The following CPQ variants were observed in gnomAD, a reference collection of about 807,000 sequenced individuals.
CPQ encodes Ser-Met dipeptidase.
In CPQ, 37 loss-of-function variants were observed where a neutral mutation model predicts 45.7. That is an observed-to-expected ratio of 0.81 (90% CI 0.62 to 1.07). The LOEUF is 1.07. CPQ is among the 50% of genes least tolerant of loss of function. CPQ has a pLI of 0.00. For missense variants in CPQ, 537 were observed against 572.9 expected (o/e 0.94, Z 0.64); for synonymous variants, 186 against 205.8 (o/e 0.90, Z 0.82).
At chr8:97,005,271 A>G (rs1809361834) in intron 5 of CPQ, among the ~76,000 whole-genome samples, 1 of 151,866 alleles carries the variant, frequency 6.6e-6, no homozygotes, top group Non-Finnish European at 1.5e-5. Context: ...TAGTAGAGAC[A>G]GGATTTCACC....
chr8:96,736,330 T>C (rs758217000), intron 1 of CPQ, among the ~76,000 whole-genome samples: 1 of 152,208 alleles, frequency 6.6e-6, no homozygotes. Context: ...GTTTGAATGT[T>C]ATATAGTTCC....
At chr8:96,826,554 G>A (rs1462105310) in intron 2 of CPQ, among the ~76,000 whole-genome samples, 1 of 151,988 alleles carries the variant, frequency 6.6e-6, no homozygotes, top group Non-Finnish European at 1.5e-5. Context: ...AATGCAGACA[G>A]AAGGAGCAGC....
At chr8:96,825,289 TG>T (rs1244749812) in intron 2 of CPQ, among the ~76,000 whole-genome samples, 1 of 152,064 alleles carries the variant, frequency 6.6e-6, no homozygotes, top group Non-Finnish European at 1.5e-5. Flanking sequence ...TCTCTTTCCC[TG>T]GGCCTATAGT....
rs555358529 is a variant in CPQ, at chr8:97,098,680, T to C, written c.1255+32470T>C. Among the ~76,000 whole-genome samples, 3 of 152,256 alleles carry C rather than the reference T, an allele frequency of 2.0e-5. No homozygotes were observed. In the South Asian group the frequency reaches 6.2e-4, roughly 32 times the overall value. ...AAAACTCTCATCCTCTCTGAGTGGATTGGTTGTCTTAATGGTCACAGTACA... is the reference window on the plus strand; with the variant it reads ...AAAACTCTCATCCTCTCTGAGTGGACTGGTTGTCTTAATGGTCACAGTACA... On this transcript the variant is annotated intron_variant, in intron 7 of 7. Transcript: ENST00000220763.
intron 1 of CPQ, among the ~76,000 whole-genome samples, chr8:96,776,891 G>A (rs1810611596): frequency 6.6e-6 from 1 of 152,080 alleles, no homozygotes; most frequent in South Asian, 2.1e-4. Flanking sequence ...TAAAAAAATA[G>A]TTGTTTAACA....
chr8:96,830,396 C>T (rs1811439513), intron 2 of CPQ, among the ~76,000 whole-genome samples: 1 of 152,058 alleles, frequency 6.6e-6, no homozygotes, highest in African/African-American at 2.4e-5. Flanking sequence ...CTATAGACTA[C>T]ATGATCCGTG....
intron 4 of CPQ, among the ~76,000 whole-genome samples, chr8:96,920,390 G>A (rs915394506): frequency 2.0e-5 from 3 of 152,026 alleles, no homozygotes; most frequent in Non-Finnish European, 2.9e-5. Flanking sequence ...GGCCATTGGC[G>A]GAAATAAATA....
At chr8:97,021,337 A>T (rs1322674581) in intron 5 of CPQ, among the ~76,000 whole-genome samples, 8 of 152,046 alleles carry the variant, frequency 5.3e-5, no homozygotes, top group Non-Finnish European at 1.0e-4. Flanking sequence ...CACTCTCACC[A>T]CTCCTCTTCA....
chr8:96,879,638 A>G (rs1050823806), intron 3 of CPQ, among the ~76,000 whole-genome samples, 160 bp from the exon 4 acceptor site: 3 of 152,264 alleles, frequency 2.0e-5, no homozygotes, highest in Non-Finnish European at 2.9e-5. Flanking sequence ...TAAAAATTAC[A>G]TTCACATCAA....
At chr8:96,886,156 C>A (rs1246614107) in intron 4 of CPQ, among the ~76,000 whole-genome samples, 1 of 152,168 alleles carries the variant, frequency 6.6e-6, no homozygotes, top group Non-Finnish European at 1.5e-5. Flanking sequence ...AAACTGTACT[C>A]TTCTGTGATT....
Position 96,785,291 on chromosome 8 carries a change from AT to A in CPQ, c.395del (p.Ile132ThrfsTer22), listed in dbSNP as rs772647357. ...MLEPRIHKIAILGLGSSIGTP... is the reference protein window; with the variant it reads ...MLEPRIHKIAXLGLGSSIGTP... ...GGAGCCAAGAATTCATAAGATAGCC[AT>A]CCTGGGTCTTGGCAGCAGCATTGGG... On this transcript the variant is annotated frameshift_variant, in exon 2 of 8. Transcript: ENST00000220763. LOFTEE classifies it high-confidence loss of function. 1 of 1,612,142 alleles carries A rather than the reference AT, an allele frequency of 6.2e-7. No homozygotes were observed. The highest frequency in any genetic ancestry group is 2.2e-5 in the East Asian group (1 of 44,770).
rs368425947 is a variant in CPQ at position 97,115,785 on chromosome 8, A to T, written c.1256-27235A>T. 8.5e-5 allele frequency among the ~76,000 whole-genome samples: 13 copies of T among 152,326 alleles called. No homozygotes were observed. In the East Asian group the frequency reaches 2.1e-3, roughly 25 times the overall value. Reference sequence around the variant, plus strand: ...TGGCTTTCTGTTTCCCATCTCAGCCAGCTCTAGTTAATTTATGTCTTTACC... The same window carrying T: ...TGGCTTTCTGTTTCCCATCTCAGCCTGCTCTAGTTAATTTATGTCTTTACC... On this transcript the variant is annotated intron_variant, in intron 7 of 7. Coordinates refer to ENST00000220763, the MANE Select transcript of CPQ (RefSeq NM_016134.4).
At chr8:96,737,085 T>C (rs1391687829) in intron 1 of CPQ, among the ~76,000 whole-genome samples, 1 of 151,738 alleles carries the variant, frequency 6.6e-6, no homozygotes. Context: ...CCTTCTAGTC[T>C]ATCTTTGCTT....
intron 4 of CPQ, among the ~76,000 whole-genome samples, chr8:96,911,931 G>A (rs1812669813): frequency 6.6e-6 from 1 of 152,134 alleles, no homozygotes; most frequent in African/African-American, 2.4e-5. Flanking sequence ...GTCGAGTTCT[G>A]GCTGTGCAGC....
chr8:96,731,338 C>T (rs1476111614), intron 1 of CPQ, among the ~76,000 whole-genome samples: 2 of 152,168 alleles, frequency 1.3e-5, no homozygotes, highest in Non-Finnish European at 2.9e-5. Flanking sequence ...TTAGTTCCTT[C>T]AGTAGTTCAG....
intron 4 of CPQ, among the ~76,000 whole-genome samples, chr8:96,927,911 T>C (rs561548815): frequency 6.6e-6 from 1 of 152,310 alleles, no homozygotes; most frequent in East Asian, 1.9e-4. Context: ...AAATTTTCTC[T>C]CTGGAATTTA....
At chr8:96,990,097 C>G (rs1039409308) in intron 5 of CPQ, among the ~76,000 whole-genome samples, 1 of 152,056 alleles carries the variant, frequency 6.6e-6, no homozygotes. Flanking sequence ...ATGTTCACAC[C>G]CTGCACAGAG....
chr8:96,760,062 G>A lies in CPQ; in HGVS notation c.-34-24802G>A, dbSNP rs560465483. ...GATTTCAGGCCTCAGCCCTAGCCAC[G>A]TGGGTCCCTCATGGTTTTACTGGAC... On this transcript the variant is annotated intron_variant, in intron 1 of 7. Coordinates refer to ENST00000220763, the MANE Select transcript of CPQ (RefSeq NM_016134.4). Among the ~76,000 whole-genome samples, 35 of 152,296 alleles carry A rather than the reference G, an allele frequency of 2.3e-4. 1 individual carries two copies. In the South Asian group the frequency reaches 2.7e-3, roughly 12 times the overall value.
intron 7 of CPQ, among the ~76,000 whole-genome samples, chr8:97,097,629 C>A (rs1025124290): frequency 6.6e-6 from 1 of 152,138 alleles, no homozygotes; most frequent in South Asian, 2.1e-4. Context: ...ACATTTAGTT[C>A]TTGCTCATGT....
Sources: gnomAD v4.1 joint callset for allele counts (sites outside exome capture counted in the v4.1 genomes callset) on GRCh38, gnomAD v4.1.1 for gene constraint, MANE v1.5 for transcripts, NCBI Gene and HGNC (gene_info 2026-07-23, HGNC 2026-07-21) for gene names.